COTL1: variants seen among roughly 807,000 people sequenced by gnomAD.
COTL1 encodes coactosin like F-actin binding protein 1.
Under a neutral mutation model 16.5 loss-of-function variants are expected in COTL1, and 15 were observed. The observed-to-expected ratio is 0.91, with a 90% CI of 0.61 to 1.40. The LOEUF (loss-of-function observed/expected upper bound fraction) is 1.40, where lower values mean the gene tolerates loss of function less well. Ranked by LOEUF, COTL1 falls within the 40% of genes most tolerant of loss-of-function variation. COTL1 has a pLI of 0.00. For missense variants in COTL1, 220 were observed against 201.5 expected (o/e 1.09, Z -0.56); for synonymous variants, 112 against 85.3 (o/e 1.31, Z -1.73).
At chr16:84,570,085 G>A (rs910957763) in intron 3 of COTL1, among the ~76,000 whole-genome samples, 23 of 152,304 alleles carry the variant, frequency 1.5e-4, no homozygotes, top group African/African-American at 4.6e-4. Context: ...AGACCAGCCT[G>A]GCCAACACGG....
At chr16:84,604,214 G>A (rs1241237362) in intron 2 of COTL1, among the ~76,000 whole-genome samples, 7 of 34,310 alleles carry the variant, frequency 2.0e-4, no homozygotes, top group Non-Finnish European at 1.6e-4. Flanking sequence ...CACACTCACC[G>A]GCCATAGCCC....
At chr16:84,582,083 G>A (rs1189253784) in intron 3 of COTL1, among the ~76,000 whole-genome samples, 1 of 148,008 alleles carries the variant, frequency 6.8e-6, no homozygotes, top group Non-Finnish European at 1.5e-5. Flanking sequence ...TGCCTCCTGG[G>A]TTCAAGCAAT....
chr16:84,584,545 G>A (rs1904673682), intron 3 of COTL1, among the ~76,000 whole-genome samples: 1 of 152,208 alleles, frequency 6.6e-6, no homozygotes, highest in Non-Finnish European at 1.5e-5. Flanking sequence ...GCTGGCAAGT[G>A]TGGGTGAGGC....
At position 84,590,226 on chromosome 16, in the gene COTL1, G is replaced by A. The variant is rs367546609; in HGVS notation, c.197C>T (p.Thr66Ile). 3.2e-5 allele frequency: 52 copies of A among 1,614,066 alleles called. No individual in the cohort carries two copies. In the Admixed American group the frequency reaches 7.7e-4, roughly 24 times the overall value. Residue 66 changes from threonine to isoleucine, a missense_variant, in exon 3 of 4, where the codon ACC (threonine) becomes ATC (isoleucine). Physicochemically the swap from Thr to Ile is moderately conservative, Grantham distance 89. Coordinates refer to ENST00000262428, the MANE Select transcript of COTL1 (RefSeq NM_021149.5). This position sits in a 1 kb window ranked among gnomAD's most constrained non-coding sequence, Gnocchi z 5.5. The part of the protein sequence containing the change: ...VRLFAFVRFT[T>I]GDAMSKRSKF... ...GGACCTCTTGCTCATGGCATCCCCG[G>A]TGGTGAAGCGCACGAAGGCAAACAA...
chr16:84,606,218 T>G (rs1597184359), intron 2 of COTL1, among the ~76,000 whole-genome samples: 1 of 152,196 alleles, frequency 6.6e-6, no homozygotes, highest in South Asian at 2.1e-4. Flanking sequence ...GAGAGGAAGG[T>G]GGCGATGCCT....
At chr16:84,592,174 C>T (rs1194486275) in intron 2 of COTL1, among the ~76,000 whole-genome samples, 1 of 152,260 alleles carries the variant, frequency 6.6e-6, no homozygotes, top group Admixed American at 6.5e-5. Context: ...TTGGTGTCCC[C>T]ATTTAATTGG....
At chr16:84,569,454 A>G (rs1456594205) in intron 3 of COTL1, among the ~76,000 whole-genome samples, 1 of 152,222 alleles carries the variant, frequency 6.6e-6, no homozygotes, top group East Asian at 1.9e-4. Flanking sequence ...CAAGCTTTAC[A>G]ATAAAAAGAC....
Position 84,566,844 on chromosome 16 carries a change from G to A in COTL1, c.*1C>T, listed in dbSNP as rs745342465. On this transcript the variant is annotated 3_prime_UTR_variant, in exon 4 of 4. Transcript: ENST00000262428. ...AAGGGGTGGTGTGGCGGGGGCTGGGGTTACTCCGTCTGGGCGTCGTAATTG... is the reference window on the plus strand; with the variant it reads ...AAGGGGTGGTGTGGCGGGGGCTGGGATTACTCCGTCTGGGCGTCGTAATTG... The A allele has an allele frequency of 6.2e-7, 1 of 1,606,058 alleles. No individual in the cohort carries two copies. The highest frequency in any genetic ancestry group is 2.2e-5 in the East Asian group (1 of 44,828).
At chr16:84,617,421 G>A (rs1026674471) in intron 2 of COTL1, 80 bp downstream of exon 2, 6 of 1,367,582 alleles carry the variant, frequency 4.4e-6, no homozygotes, top group Non-Finnish European at 6.1e-6. Context: ...GTTCCTCCCG[G>A]GTTCGCTCTG....
intron 3 of COTL1, among the ~76,000 whole-genome samples, chr16:84,578,560 C>G (rs573723933): frequency 6.6e-6 from 1 of 152,112 alleles, no homozygotes; most frequent in Non-Finnish European, 1.5e-5. Context: ...GGGAACTCAC[C>G]AGGTGGAGGA....
intron 2 of COTL1, among the ~76,000 whole-genome samples, chr16:84,602,008 A>G (rs548406203): frequency 6.6e-5 from 10 of 152,198 alleles, no homozygotes; most frequent in Non-Finnish European, 1.0e-4. Flanking sequence ...AGAATGAGCT[A>G]CAGGCCTCCT....
chr16:84,580,573 G>C (rs1166607870), intron 3 of COTL1, among the ~76,000 whole-genome samples: 11 of 152,078 alleles, frequency 7.2e-5, no homozygotes, highest in African/African-American at 2.4e-5. Context: ...TTGAGTTTCA[G>C]ATCTTCCCAG....
intron 2 of COTL1, among the ~76,000 whole-genome samples, chr16:84,597,896 T>G (rs1807098): frequency 0.5 from 76,446 of 151,938 alleles, 19,352 homozygotes; most frequent in South Asian, 0.61. Flanking sequence ...CAGCCATCAT[T>G]AGCAAGAGAG....
chr16:84,601,020 G>A (rs1366893064), intron 2 of COTL1, among the ~76,000 whole-genome samples: 5 of 148,590 alleles, frequency 3.4e-5, no homozygotes, highest in Admixed American at 1.3e-4. Context: ...GAGAAGAGTG[G>A]CTGTAAAGCA....
intron 2 of COTL1, among the ~76,000 whole-genome samples, chr16:84,606,095 A>C (rs1220554531): frequency 6.6e-6 from 1 of 152,236 alleles, no homozygotes. Context: ...TCATGAAATA[A>C]AATATTAAAT....
chr16:84,572,160 G>A (rs1904349014), intron 3 of COTL1, among the ~76,000 whole-genome samples: 1 of 152,256 alleles, frequency 6.6e-6, no homozygotes, highest in South Asian at 2.1e-4. Flanking sequence ...AAACGAGGCA[G>A]AAGCTGAGCA....
In COTL1 at chr16:84,590,464, C is replaced by T. The variant is rs1168766721; in HGVS notation, c.161-202G>A. 3 of 493,456 alleles carry T rather than the reference C, an allele frequency of 6.1e-6. No individual in the cohort carries two copies. Among genetic ancestry groups the T allele is most frequent in the Non-Finnish European group, 1.1e-5 (3 of 281,468 alleles). 30.6% of individuals were successfully genotyped at this position (493,456 alleles called of 1,614,324 possible). A position where few individuals can be genotyped will look rare whatever the true frequency, so the allele number is the denominator to read the frequency against. On this transcript the variant is annotated intron_variant, in intron 2 of 3. Transcript: ENST00000262428. The surrounding 1 kb of genome is among the most constrained non-coding windows in gnomAD (Gnocchi z 5.5). ...GTCACACTCCCCTGAATCCTGGCAACAGTGCTGCAGGCTTCATGCCCATTT... is the reference window on the plus strand; with the variant it reads ...GTCACACTCCCCTGAATCCTGGCAATAGTGCTGCAGGCTTCATGCCCATTT...
intron 3 of COTL1, among the ~76,000 whole-genome samples, chr16:84,570,864 C>T (rs1904324780): frequency 6.6e-6 from 1 of 152,048 alleles, no homozygotes; most frequent in Non-Finnish European, 1.5e-5. Context: ...CTGGCTCATA[C>T]CTAAAAGTCC....
chr16:84,603,922 A>T (rs1905154691), intron 2 of COTL1, among the ~76,000 whole-genome samples: 1 of 146,878 alleles, frequency 6.8e-6, no homozygotes, highest in Non-Finnish European at 1.5e-5. Flanking sequence ...GGGCCACTGC[A>T]CCCTGGGCCC....
Sources: gnomAD v4.1 joint callset for allele counts (sites outside exome capture counted in the v4.1 genomes callset) on GRCh38, gnomAD v4.1.1 for gene constraint, Gnocchi (gnomAD v3.1) non-coding constraint, MANE v1.5 for transcripts, NCBI Gene and HGNC (gene_info 2026-07-23, HGNC 2026-07-21) for gene names.